The following ABCB11 variants were observed in gnomAD, a reference collection of about 807,000 sequenced individuals.
ABCB11 encodes ATP binding cassette subfamily B member 11, also known as bile salt export pump.
ABCB11 carries 95 observed loss-of-function variants against 148.0 expected under a neutral mutation model. That is an observed-to-expected ratio of 0.64 (90% confidence interval 0.54 to 0.76). The LOEUF (loss-of-function observed/expected upper bound fraction) is 0.76. ABCB11 is among the 30% of genes least tolerant of loss of function. The probability of loss-of-function intolerance (pLI) is 0.00; values close to 1 mark genes in which losing one functional copy is unlikely to be tolerated. For missense variants in ABCB11, 1,523 were observed against 1,617.8 expected (o/e 0.94, Z 1.01); for synonymous variants, 591 against 555.4 (o/e 1.06, Z -0.90).
Position 168,963,155 on chromosome 2 carries a change from T to A in ABCB11, c.2178+1051A>T, listed in dbSNP as rs572620066. ...ATGCATAATGGATGTGCTTGTAATT[T>A]AAAAATTCTCTGACTTATTTGCTTT... On this transcript the variant is annotated intron_variant, in intron 18 of 27. Coordinates refer to ENST00000650372, the MANE Select transcript of ABCB11 (RefSeq NM_003742.4). Among the ~76,000 whole-genome samples the A allele has an allele frequency of 5.9e-5, 9 of 151,920 alleles. No homozygotes were observed. In the South Asian group the frequency reaches 1.9e-3, roughly 31 times the overall value.
chr2:168,973,003 A>T (rs2389610), intron 13 of ABCB11, among the ~76,000 whole-genome samples: 2 of 151,370 alleles, frequency 1.3e-5, no homozygotes, highest in South Asian at 4.2e-4. Flanking sequence ...ATAATATGTG[A>T]TAAATAAATG....
intron 2 of ABCB11, among the ~76,000 whole-genome samples, chr2:169,017,540 T>C (rs181388658): frequency 6.6e-6 from 1 of 152,280 alleles, no homozygotes; most frequent in African/African-American, 2.4e-5. Flanking sequence ...CCTTGCCAAG[T>C]TTCAAAAACA....
chr2:168,998,087 C>T (rs1265585373), intron 5 of ABCB11, among the ~76,000 whole-genome samples: 2 of 152,074 alleles, frequency 1.3e-5, no homozygotes, highest in South Asian at 2.1e-4. Flanking sequence ...ATAAACTTAT[C>T]GATGAATATC....
intron 12 of ABCB11, among the ~76,000 whole-genome samples, chr2:168,976,117 A>C (rs1693892359): frequency 6.6e-6 from 1 of 152,134 alleles, no homozygotes; most frequent in Non-Finnish European, 1.5e-5. Context: ...GCAGTGACCT[A>C]GTGAATTTAC....
At chr2:169,021,535 A>G (rs1176689421) in intron 1 of ABCB11, among the ~76,000 whole-genome samples, 2 of 152,148 alleles carry the variant, frequency 1.3e-5, no homozygotes, top group Non-Finnish European at 2.9e-5. Flanking sequence ...GTAATGAAAA[A>G]TTTAAACACA....
chr2:169,012,314 C>G (rs1302704564), intron 5 of ABCB11, among the ~76,000 whole-genome samples: 2 of 152,104 alleles, frequency 1.3e-5, no homozygotes, highest in Admixed American at 1.3e-4. Flanking sequence ...ACTGCAAAGG[C>G]CATGCTATGA....
In ABCB11 at chr2:168,983,736, C is replaced by G. The variant is rs190226597; in HGVS notation, c.1083+2374G>C. On this transcript the variant is annotated intron_variant, in intron 10 of 27. Coordinates refer to ENST00000650372, the MANE Select transcript of ABCB11 (RefSeq NM_003742.4). ...CCCTGGCAATGTATTTATCTTAAAG[C>G]AGTAGATTTTGAATTTTAAGCTCTC... Among the ~76,000 whole-genome samples, 16 of 152,148 alleles carry G rather than the reference C, an allele frequency of 1.1e-4. No homozygotes were observed. In the East Asian group the frequency reaches 2.7e-3, roughly 26 times the overall value.
rs1222484954 is a variant in ABCB11 at position 168,932,449 on chromosome 2, T to C, written c.3141A>G (p.Ser1047=). The change falls in exon 24 of 28, where the codon TCA becomes TCG. Residue 1047 remains serine, a synonymous_variant. Coordinates refer to ENST00000650372, the MANE Select transcript of ABCB11 (RefSeq NM_003742.4). ...YTPSYAKAKI[S]AARFFQLLDR... is the part of the protein sequence containing the mutation. ...CCAGCAGTTGAAAAAAGCGTGCAGC[T>C]GATATTTTAGCTTTTGCATAACTTG... The C allele has an allele frequency of 6.2e-7, 1 of 1,611,720 alleles. No homozygotes were observed. The highest frequency in any genetic ancestry group is 1.7e-5 in the Admixed American group (1 of 59,724).
chr2:168,930,717 C>T lies in ABCB11; in HGVS notation c.3359G>A (p.Ser1120Asn), dbSNP rs1436681091. 6.3e-7 allele frequency: 1 copy of T among 1,598,542 alleles called. No homozygotes were observed. The highest frequency in any genetic ancestry group is 1.3e-5 in the African/African-American group (1 of 74,642). ...ACGTTCCAACAGCTGAATGCTAGTGCTTTTGCCACATCCACTGCTCCCAAC... is the reference window on the plus strand; with the variant it reads ...ACGTTCCAACAGCTGAATGCTAGTGTTTTTGCCACATCCACTGCTCCCAAC... ...AFVGSSGCGK[S>N]TSIQLLERFY... is the part of the protein sequence containing the mutation. The change falls in exon 25 of 28, where the codon AGC becomes AAC. Residue 1120 changes from serine (S) to asparagine (N), a missense_variant. Ser to Asn is a conservative substitution (Grantham distance 46). Transcript: ENST00000650372.
At chr2:169,022,346 G>A (rs1695564036) in intron 1 of ABCB11, among the ~76,000 whole-genome samples, 4 of 151,774 alleles carry the variant, frequency 2.6e-5, no homozygotes, top group Admixed American at 2.0e-4. Context: ...TTGAAGAAAA[G>A]AGATATAAAT....
intron 9 of ABCB11, 66 bp downstream of exon 9, chr2:168,990,735 T>C: frequency 6.3e-7 from 1 of 1,598,288 alleles, no homozygotes; most frequent in East Asian, 2.2e-5. Context: ...TTGCACAAAC[T>C]GAGAGACTCA....
At chr2:168,951,469 C>T (rs1692567503) in intron 19 of ABCB11, among the ~76,000 whole-genome samples, 1 of 151,174 alleles carries the variant, frequency 6.6e-6, no homozygotes, top group African/African-American at 2.4e-5. Flanking sequence ...GATCTTTCAC[C>T]TCTTTGCTTA....
rs76821842 is a variant in ABCB11 at position 168,992,915 on chromosome 2, C to A, written c.783+796G>T. Among the ~76,000 whole-genome samples, 65 of 152,114 alleles carry A rather than the reference C, an allele frequency of 4.3e-4. 1 individual carries two copies. In the East Asian group the frequency reaches 0.012, roughly 28 times the overall value. ...GTGTATGCAGTTTTTCAGTTAAATT[C>A]TATTCTCATTTATAGCACAGTTTTA... On this transcript the variant is annotated intron_variant, in intron 8 of 27. Coordinates refer to ENST00000650372, the MANE Select transcript of ABCB11 (RefSeq NM_003742.4).
At chr2:168,955,493 T>C (rs2105930261) in intron 19 of ABCB11, among the ~76,000 whole-genome samples, 1 of 151,704 alleles carries the variant, frequency 6.6e-6, no homozygotes, top group South Asian at 2.1e-4. Context: ...TTGTGAGAAC[T>C]TACTCACTAT....
chr2:168,915,880 C>T (rs1413395404), downstream of ABCB11, among the ~76,000 whole-genome samples: 1 of 152,066 alleles, frequency 6.6e-6, no homozygotes, highest in Admixed American at 6.6e-5. Flanking sequence ...TAGAGGAAAG[C>T]AAAAGAAAAG....
intron 3 of ABCB11, among the ~76,000 whole-genome samples, chr2:169,015,142 C>T (rs977723376): frequency 6.6e-6 from 1 of 152,110 alleles, no homozygotes; most frequent in Middle Eastern, 3.2e-3. Context: ...TGCTTCCTTC[C>T]CCATGCAGCC....
chr2:168,954,445 G>A (rs1692700084), intron 19 of ABCB11, among the ~76,000 whole-genome samples: 2 of 151,484 alleles, frequency 1.3e-5, no homozygotes, highest in Non-Finnish European at 3.0e-5. Flanking sequence ...TTCCTTGTCT[G>A]GGAAGAACTT....
At position 168,933,501 on chromosome 2, in the gene ABCB11, G is replaced by T. The variant is rs1203447515; in HGVS notation, c.3057-968C>A. On this transcript the variant is annotated intron_variant, in intron 23 of 27. Coordinates refer to ENST00000650372, the MANE Select transcript of ABCB11 (RefSeq NM_003742.4). ...TAGTAGCCCCCAAAGCTGCTCACCT[G>T]CACTGTCATGCACAGAGGGTCTGCC... Among the ~76,000 whole-genome samples the T allele has an allele frequency of 2.6e-5, 4 of 152,306 alleles. 1 individual carries two copies. In the South Asian group the frequency reaches 8.3e-4, roughly 32 times the overall value.
chr2:168,943,038 A>C (rs1055634204), intron 21 of ABCB11, among the ~76,000 whole-genome samples: 17 of 151,980 alleles, frequency 1.1e-4, no homozygotes, highest in Non-Finnish European at 2.4e-4. Flanking sequence ...TTTTTAAAAA[A>C]CAACAAAAGT....
Sources: allele counts gnomAD v4.1 joint callset (sites outside exome capture counted in the v4.1 genomes callset), GRCh38; gene constraint gnomAD v4.1.1; transcripts MANE v1.5; gene names NCBI Gene and HGNC (gene_info 2026-07-23, HGNC 2026-07-21).